Variants in KLRG1 observed in about 807,000 individuals in gnomAD.
The protein encoded by KLRG1 is killer cell lectin-like receptor subfamily G member 1.
In KLRG1, 16 loss-of-function variants were observed where a neutral mutation model predicts 21.8. That is an observed-to-expected ratio of 0.73 (90% CI 0.50 to 1.11). The LOEUF is 1.11. Among genes scored for constraint, KLRG1 ranks in the 50% most tolerant of loss-of-function variants. The probability of loss-of-function intolerance (pLI) is 0.00; values close to 1 mark genes in which losing one functional copy is unlikely to be tolerated. For synonymous variants in KLRG1, 69 were observed against 75.9 expected (o/e 0.91, Z 0.47); for missense variants, 173 against 218.3 (o/e 0.79, Z 1.31).
chr12:9,115,257 C>T, the KLRG1 span: 4 of 154,112 alleles, frequency 2.6e-5, no homozygotes, highest in African/African-American at 9.6e-5. Context: ...TTCATCACCA[C>T]CTCATCTGCA....
the KLRG1 span, among the ~76,000 whole-genome samples, chr12:9,026,185 G>T: frequency 1.7e-4 from 26 of 152,206 alleles, no homozygotes; most frequent in Non-Finnish European, 3.2e-4. Flanking sequence ...TGTCAGAAAA[G>T]AGAAGTAGCC....
the KLRG1 span, among the ~76,000 whole-genome samples, chr12:9,017,819 C>A: frequency 6.6e-6 from 1 of 152,118 alleles, no homozygotes; most frequent in Admixed American, 6.5e-5. Context: ...AGGAAGAAGT[C>A]AAATCATTCT....
chr12:9,079,706 A>G, the KLRG1 span: 1 of 1,613,738 alleles, frequency 6.2e-7, no homozygotes, highest in Non-Finnish European at 8.5e-7. Flanking sequence ...CATTTAGATA[A>G]TCCAGTACAT....
the KLRG1 span, among the ~76,000 whole-genome samples, chr12:9,119,783 T>A: frequency 6.6e-6 from 1 of 152,078 alleles, no homozygotes; most frequent in African/African-American, 2.4e-5. Context: ...GGAGGAATGA[T>A]CCTTAATGGG....
the KLRG1 span, among the ~76,000 whole-genome samples, chr12:9,191,624 G>A: frequency 1.3e-5 from 2 of 152,038 alleles, no homozygotes; most frequent in South Asian, 2.1e-4. Flanking sequence ...TTGGTAAAAT[G>A]TTTCCCTTAG....
chr12:9,159,473 T>C, the KLRG1 span, among the ~76,000 whole-genome samples: 1 of 151,918 alleles, frequency 6.6e-6, no homozygotes, highest in Non-Finnish European at 1.5e-5. Flanking sequence ...CCCAATGTGG[T>C]AGTATTGAGA....
At chr12:9,083,867 C>G in the KLRG1 span, among the ~76,000 whole-genome samples, 4 of 151,174 alleles carry the variant, frequency 2.6e-5, no homozygotes, top group African/African-American at 9.7e-5. Flanking sequence ...AAGAACTGCT[C>G]ACTAAGACAC....
chr12:9,129,757 C>G, the KLRG1 span, among the ~76,000 whole-genome samples: 8 of 152,242 alleles, frequency 5.3e-5, 1 homozygote, highest in East Asian at 7.7e-4. Context: ...ACCGTGTTAG[C>G]CAGGATGGTC....
At chr12:9,114,679 A>C in the KLRG1 span, among the ~76,000 whole-genome samples, 1 of 152,004 alleles carries the variant, frequency 6.6e-6, no homozygotes, top group African/African-American at 2.4e-5. Context: ...GCATCTATAC[A>C]TATACGTATG....
the KLRG1 span, chr12:9,077,346 A>G: frequency 8.1e-6 from 13 of 1,612,598 alleles, no homozygotes; most frequent in African/African-American, 1.6e-4. Flanking sequence ...TGGTACCTAC[A>G]GTGACTGTGA....
chr12:9,202,657 C>T, the KLRG1 span: 4 of 1,614,100 alleles, frequency 2.5e-6, no homozygotes, highest in African/African-American at 1.3e-5. Context: ...AGGAATGCCA[C>T]CTCTGAAGAG....
chr12:9,169,768 G>T, the KLRG1 span: 1 of 512,042 alleles, frequency 2.0e-6, no homozygotes, highest in Non-Finnish European at 3.1e-6. Context: ...TTGTTATAAA[G>T]AAATGAAACC....
the KLRG1 span, chr12:9,196,998 T>C: frequency 1.4e-5 from 22 of 1,542,152 alleles, no homozygotes; most frequent in Non-Finnish European, 1.9e-5. Flanking sequence ...TGAGGGAGAA[T>C]ACCGCCTACT....
chr12:9,068,362 C>T, the KLRG1 span: 4 of 857,972 alleles, frequency 4.7e-6, no homozygotes, highest in Admixed American at 2.5e-5. Context: ...AAGCATCATT[C>T]ATCTGATGTG....
the KLRG1 span, among the ~76,000 whole-genome samples, chr12:9,137,107 C>T: frequency 6.6e-6 from 1 of 152,154 alleles, no homozygotes; most frequent in Admixed American, 6.5e-5. Flanking sequence ...ATTGCCAAGA[C>T]CAAGATCATA....
chr12:9,158,858 T>C, the KLRG1 span, among the ~76,000 whole-genome samples: 1 of 151,916 alleles, frequency 6.6e-6, no homozygotes, highest in South Asian at 2.1e-4. Flanking sequence ...TCAGGTTCCT[T>C]CCAGTTTTCT....
chr12:9,059,194 C>G, the KLRG1 span, among the ~76,000 whole-genome samples: 3 of 152,188 alleles, frequency 2.0e-5, no homozygotes, highest in Non-Finnish European at 4.4e-5. Flanking sequence ...AGCCATCTGT[C>G]TCTACACTGC....
At chr12:8,952,586 G>C (rs754229279) in intron 1 of KLRG1, among the ~76,000 whole-genome samples, 5 of 152,158 alleles carry the variant, frequency 3.3e-5, no homozygotes, top group Non-Finnish European at 7.4e-5. Flanking sequence ...CATTTATAGA[G>C]AAGATGCAAG....
the KLRG1 span, chr12:9,074,854 G>A: frequency 6.9e-7 from 1 of 1,458,164 alleles, no homozygotes; most frequent in Non-Finnish European, 9.3e-7. Flanking sequence ...AAGTACCCAA[G>A]CCAGTGCTGA....
Sources: allele counts gnomAD v4.1 joint callset (sites outside exome capture counted in the v4.1 genomes callset), GRCh38; gene constraint gnomAD v4.1.1; transcripts MANE v1.5; gene names NCBI Gene and HGNC (gene_info 2026-07-23, HGNC 2026-07-21).